ZNF804B: variants seen among roughly 807,000 people sequenced by gnomAD.
ZNF804B encodes zinc finger 804B.
In ZNF804B, 80 loss-of-function variants were observed where a neutral mutation model predicts 101.4. The ratio of observed to expected loss-of-function variants is 0.79; its 90% CI spans 0.66 to 0.95. The LOEUF is 0.95. Ranked by LOEUF, ZNF804B falls within the 40% of genes least tolerant of loss-of-function variation. ZNF804B has a pLI of 0.00. For missense variants in ZNF804B, 1,673 were observed against 1,561.9 expected (o/e 1.07, Z -1.20); for synonymous variants, 622 against 558.8 (o/e 1.11, Z -1.59).
intron 1 of ZNF804B, among the ~76,000 whole-genome samples, chr7:88,840,478 A>T (rs1791279288): frequency 6.6e-6 from 1 of 152,214 alleles, no homozygotes; most frequent in Non-Finnish European, 1.5e-5. Flanking sequence ...TTACTTCAGA[A>T]TAGCAATAGA....
chr7:88,805,767 G>A (rs1049957776), intron 1 of ZNF804B, among the ~76,000 whole-genome samples: 1 of 152,108 alleles, frequency 6.6e-6, no homozygotes, highest in Non-Finnish European at 1.5e-5. Context: ...TCATCATCAT[G>A]AATGCCTCTC....
chr7:88,766,554 A>C lies in ZNF804B; in HGVS notation c.108+6470A>C, dbSNP rs574080927. ...TTTCTTTTCTTCTTTGGCTGGGAGGAAGAGACAAATCTGTGGCTTAGCAAA... is the reference window on the plus strand; with the variant it reads ...TTTCTTTTCTTCTTTGGCTGGGAGGCAGAGACAAATCTGTGGCTTAGCAAA... On this transcript the variant is annotated intron_variant, in intron 1 of 3. Transcript: ENST00000333190. 2.6e-5 allele frequency among the ~76,000 whole-genome samples: 4 copies of C among 152,256 alleles called. No individual in the cohort carries two copies. The South Asian group carries it at 8.3e-4, about 32-fold the overall frequency.
chr7:88,988,993 C>T (rs1463206223), intron 1 of ZNF804B, among the ~76,000 whole-genome samples: 1 of 151,934 alleles, frequency 6.6e-6, no homozygotes, highest in Non-Finnish European at 1.5e-5. Flanking sequence ...TATTCTGATT[C>T]AATTAAAATT....
chr7:89,222,969 A>C (rs2115715963), intron 2 of ZNF804B, among the ~76,000 whole-genome samples: 1 of 152,004 alleles, frequency 6.6e-6, no homozygotes, highest in Admixed American at 6.6e-5. Flanking sequence ...ATATTTTGAA[A>C]ATTACCTCAA....
intron 1 of ZNF804B, among the ~76,000 whole-genome samples, chr7:88,859,865 AT>A (rs1229936210): frequency 7.2e-5 from 11 of 151,948 alleles, no homozygotes; most frequent in African/African-American, 2.7e-4. Flanking sequence ...CAAAAGGATA[AT>A]TCCTGAAATT....
At chr7:88,831,744 ATATTCT>A (rs781063119) in intron 1 of ZNF804B, among the ~76,000 whole-genome samples, 5 of 151,762 alleles carry the variant, frequency 3.3e-5, no homozygotes, top group Non-Finnish European at 7.4e-5. Flanking sequence ...CATTTATTAG[ATATTCT>A]TATGACAGAC....
chr7:88,884,101 G>A (rs373883032), intron 1 of ZNF804B, among the ~76,000 whole-genome samples: 1 of 151,092 alleles, frequency 6.6e-6, no homozygotes, highest in South Asian at 2.1e-4. Flanking sequence ...TTCCCTTAGG[G>A]TATTATTTTA....
intron 1 of ZNF804B, among the ~76,000 whole-genome samples, chr7:89,166,748 C>T (rs1478606459): frequency 6.6e-6 from 1 of 152,152 alleles, no homozygotes; most frequent in East Asian, 1.9e-4. Flanking sequence ...TCACTTTTTA[C>T]TTCCATACAC....
intron 1 of ZNF804B, among the ~76,000 whole-genome samples, chr7:89,188,427 T>G (rs558585775): frequency 2.6e-5 from 4 of 152,168 alleles, no homozygotes; most frequent in African/African-American, 9.6e-5. Flanking sequence ...ATATTGAAAT[T>G]ACGTCGATTT....
At chr7:89,003,495 T>G (rs1584065420) in intron 1 of ZNF804B, among the ~76,000 whole-genome samples, 2 of 151,980 alleles carry the variant, frequency 1.3e-5, no homozygotes, top group African/African-American at 4.8e-5. Flanking sequence ...AACCTTTTAC[T>G]TGCAGTTCCT....
intron 1 of ZNF804B, among the ~76,000 whole-genome samples, chr7:88,788,645 T>C (rs919132310): frequency 6.6e-6 from 1 of 152,208 alleles, no homozygotes; most frequent in Non-Finnish European, 1.5e-5. Flanking sequence ...TTTTTACCAT[T>C]GTATCTTCAG....
intron 2 of ZNF804B, among the ~76,000 whole-genome samples, chr7:89,229,584 CAA>C (rs932945216): frequency 6.6e-6 from 1 of 152,006 alleles, no homozygotes; most frequent in Non-Finnish European, 1.5e-5. Flanking sequence ...GATAGAAATG[CAA>C]AGAGAAACAG....
intron 2 of ZNF804B, among the ~76,000 whole-genome samples, chr7:89,229,246 G>C (rs1273673928): frequency 6.6e-6 from 1 of 152,222 alleles, no homozygotes; most frequent in Non-Finnish European, 1.5e-5. Context: ...GAGGCGCTGA[G>C]AGTGAGCGAG....
chr7:89,154,969 A>G (rs942999677), intron 1 of ZNF804B, among the ~76,000 whole-genome samples: 1 of 152,102 alleles, frequency 6.6e-6, no homozygotes, highest in African/African-American at 2.4e-5. Flanking sequence ...TGATGCGATT[A>G]TTACATATTA....
In ZNF804B at chr7:88,903,804, G is replaced by T. The variant is rs11983828; in HGVS notation, c.108+143720G>T. On this transcript the variant is annotated intron_variant, in intron 1 of 3. Transcript: ENST00000333190. ...TCGCCCTTTTTTAATGAGTTATTTG[G>T]TTTTTTGTTTGTTGCTTTAAGCTCC... 7.4e-3 allele frequency among the ~76,000 whole-genome samples: 1,127 copies of T among 151,922 alleles called. 19 individuals are homozygous for T. The highest frequency in any genetic ancestry group is 0.026 in the African/African-American group (1,062 of 41,486).
At chr7:89,300,595 G>T (rs542283833) in intron 2 of ZNF804B, among the ~76,000 whole-genome samples, 138 of 151,952 alleles carry the variant, frequency 9.1e-4, no homozygotes, top group Non-Finnish European at 1.3e-3. Flanking sequence ...GGAAGATTAT[G>T]GCATATTTGA....
In ZNF804B at chr7:89,165,031, A is replaced by G. The variant is rs147132738; in HGVS notation, c.109-53124A>G. Among the ~76,000 whole-genome samples, 945 of 152,246 alleles carry G rather than the reference A, an allele frequency of 6.2e-3. 12 individuals carry two copies. Among genetic ancestry groups the G allele is most frequent in the African/African-American group, 0.021 (891 of 41,564 alleles). On this transcript the variant is annotated intron_variant, in intron 1 of 3. Transcript: ENST00000333190. ...AATATGAAGAAAATGTGATTCATTA[A>G]GAGATAATAACTTACCCATTATCAC...
At chr7:89,076,613 C>A (rs1239089697) in intron 1 of ZNF804B, among the ~76,000 whole-genome samples, 1 of 152,060 alleles carries the variant, frequency 6.6e-6, no homozygotes, top group Admixed American at 6.5e-5. Context: ...ATAATACAAC[C>A]AGTTAGATCC....
chr7:88,915,797 T>A (rs1210461904), intron 1 of ZNF804B, among the ~76,000 whole-genome samples: 1 of 151,096 alleles, frequency 6.6e-6, no homozygotes, highest in Non-Finnish European at 1.5e-5. Context: ...TTACTAAAAA[T>A]TAAATATTTG....
Sources: allele counts gnomAD v4.1 joint callset (sites outside exome capture counted in the v4.1 genomes callset), GRCh38; gene constraint gnomAD v4.1.1; transcripts MANE v1.5; gene names NCBI Gene and HGNC (gene_info 2026-07-23, HGNC 2026-07-21).